Variants in RAD54L observed in about 807,000 individuals in gnomAD.
RAD54L encodes DNA repair and recombination protein RAD54-like.
Under a neutral mutation model 91.6 loss-of-function variants are expected in RAD54L, and 74 were observed. The ratio of observed to expected loss-of-function variants is 0.81; its 90% CI spans 0.67 to 0.98. The LOEUF is 0.98. Ranked by LOEUF, RAD54L falls within the 50% of genes least tolerant of loss-of-function variation. The pLI is 0.00. For synonymous variants in RAD54L, 304 were observed against 349.7 expected, an observed-to-expected ratio of 0.87 and a Z score of 1.46; for missense variants, 887 against 945.7, an observed-to-expected ratio of 0.94 and a Z score of 0.81.
rs1018659404 is a variant in RAD54L at position 46,258,826 on chromosome 1, T to C, written c.271+80T>C. 4.2e-6 allele frequency: 5 copies of C among 1,182,114 alleles called. No homozygotes were observed. The African/African-American group carries it at 7.5e-5, about 18-fold the overall frequency. The allele number at this position is 1,182,114 out of a possible 1,614,324, so 73.2% of individuals were successfully genotyped here. A position where few individuals can be genotyped will look rare whatever the true frequency, so the allele number is the denominator to read the frequency against. On this transcript the variant is annotated intron_variant, in intron 4 of 17. Coordinates refer to ENST00000371975, the MANE Select transcript of RAD54L (RefSeq NM_003579.4). Reference sequence around the variant, plus strand: ...TAAATTAAAAACCTGCTTTTGTAAATACAAGCTTAGCTGGGAATTGAAGGT... The same window carrying C: ...TAAATTAAAAACCTGCTTTTGTAAACACAAGCTTAGCTGGGAATTGAAGGT...
Position 46,260,025 on chromosome 1 carries a change from C to A in RAD54L, c.333C>A (p.Asp111Glu), listed in dbSNP as rs568648242. ...KRAGVRRALH[D>E]PLEKDALVLY... ...CTGGGGTCCGCCGGGCCCTCCATGA[C>A]CCCCTGGAAAAAGATGCCTTGGTTC... is the stretch of plus-strand genomic sequence containing the variant. The change falls in exon 5 of 18, where the codon GAC (aspartate) becomes GAA (glutamate). Residue 111 changes from aspartate to glutamate, a missense_variant. By Grantham distance (45) the Asp-to-Glu change is conservative. Coordinates refer to ENST00000371975, the MANE Select transcript of RAD54L (RefSeq NM_003579.4). The A allele has an allele frequency of 5.0e-6, 8 of 1,614,114 alleles. No individual in the cohort carries two copies. The African/African-American group carries it at 9.3e-5, about 19-fold the overall frequency.
chr1:46,276,630 G>GGT (rs1458548959), intron 16 of RAD54L, among the ~76,000 whole-genome samples: 14 of 152,146 alleles, frequency 9.2e-5, no homozygotes, highest in African/African-American at 3.4e-4. Context: ...GCCCTCCTGA[G>GGT]GTCATGGTCA....
At position 46,253,720 on chromosome 1, in the gene RAD54L, C is replaced by CTTTTTTTTTTTT. The variant is rs3063981; in HGVS notation, c.210+3611_210+3622dup. On this transcript the variant is annotated intron_variant, in intron 3 of 17. Transcript: ENST00000371975. Reference sequence around the variant, plus strand: ...ACTCACAGTGATATACTTAGGTACTCTTTTTTTTTTTTTTTTTTTTTGAGA... The same window carrying CTTTTTTTTTTTT: ...ACTCACAGTGATATACTTAGGTACTCTTTTTTTTTTTTTTTTTTTTTTTTTTTTTTTTTGAGA... 4.2e-4 allele frequency among the ~76,000 whole-genome samples: 35 copies of CTTTTTTTTTTTT among 83,620 alleles called. 3 individuals are homozygous for CTTTTTTTTTTTT. The highest frequency in any genetic ancestry group is 4.8e-4 in the Non-Finnish European group (22 of 45,952). 54.9% of individuals were successfully genotyped at this position (83,620 alleles called of 152,430 possible). A position where few individuals can be genotyped will look rare whatever the true frequency, so the allele number is the denominator to read the frequency against.
chr1:46,250,046 G>A lies in RAD54L; in HGVS notation c.137G>A (p.Cys46Tyr). The change falls in exon 3 of 18, where the codon TGT becomes TAT. Residue 46 changes from cysteine to tyrosine, a missense_variant. Physicochemically the swap from Cys to Tyr is radical, Grantham distance 194. Coordinates refer to ENST00000371975, the MANE Select transcript of RAD54L (RefSeq NM_003579.4). ...AGCAGTGAGACCCAGATCCAGGAGT[G>A]TTTCCTGTCTCCTTTTCGGAAACCT... Reference protein sequence around the residue: ...KSSSETQIQECFLSPFRKPLS... With the variant: ...KSSSETQIQEYFLSPFRKPLS... The A allele has an allele frequency of 2.5e-6, 4 of 1,614,060 alleles. No individual in the cohort carries two copies. The highest frequency in any genetic ancestry group is 3.4e-6 in the Non-Finnish European group (4 of 1,179,936).
intron 2 of RAD54L, 81 bp downstream of exon 2, chr1:46,248,679 T>G (rs566726427): frequency 2.5e-4 from 321 of 1,272,986 alleles, no homozygotes; most frequent in Non-Finnish European, 3.2e-4. Context: ...TAGGGTTACA[T>G]AGCCAATTCC....
intron 3 of RAD54L, among the ~76,000 whole-genome samples, chr1:46,252,290 A>G (rs1354262459): frequency 2.6e-5 from 4 of 152,126 alleles, no homozygotes; most frequent in African/African-American, 9.7e-5. Flanking sequence ...CCATGCTAGG[A>G]GAGTCTGGAC....
Position 46,251,121 on chromosome 1 carries a change from C to A in RAD54L, c.210+1002C>A, listed in dbSNP as rs566384032. Among the ~76,000 whole-genome samples, 18 of 152,186 alleles carry A rather than the reference C, an allele frequency of 1.2e-4. No homozygotes were observed. In the South Asian group the frequency reaches 3.5e-3, roughly 30 times the overall value. On this transcript the variant is annotated intron_variant, in intron 3 of 17. Transcript: ENST00000371975. The stretch of plus-strand genomic sequence containing the variant: ...GTCAGGAGTTCAAGACCAGCCTGGC[C>A]AACATGGTGAAATCCCGTCTCTATT...
chr1:46,260,251 A>T, intron 5 of RAD54L, 152 bp downstream of exon 5: 1 of 1,280,670 alleles, frequency 7.8e-7, no homozygotes, highest in Non-Finnish European at 1.1e-6. Flanking sequence ...CCTGGGGAAG[A>T]GCCTGTGGTC....
At chr1:46,250,814 A>G (rs1475352499) in intron 3 of RAD54L, among the ~76,000 whole-genome samples, 2 of 151,498 alleles carry the variant, frequency 1.3e-5, no homozygotes, top group African/African-American at 4.9e-5. Flanking sequence ...GTCTCTACTA[A>G]AAATACAAAA....
rs775760820 is a variant in RAD54L, at chr1:46,260,078, A to C, written c.386A>C (p.His129Pro). ...VLYEPPPLSA[H>P]DQLKLDKEKL... ...TATGAGCCTCCCCCGCTGAGCGCTC[A>C]TGACCAGCTGAAGCTTGACAAGTAT... Residue 129 changes from histidine to proline, a missense_variant, in exon 5 of 18, where the codon CAT becomes CCT. His to Pro is a moderately conservative substitution (Grantham distance 77). Coordinates refer to ENST00000371975, the MANE Select transcript of RAD54L (RefSeq NM_003579.4). 3.1e-6 allele frequency: 5 copies of C among 1,614,122 alleles called. No individual in the cohort carries two copies. The highest frequency in any genetic ancestry group is 4.2e-6 in the Non-Finnish European group (5 of 1,180,050).
At chr1:46,249,907 G>A in intron 2 of RAD54L, 93 bp from the exon 3 acceptor site, 1 of 1,395,176 alleles carries the variant, frequency 7.2e-7, no homozygotes, top group African/African-American at 1.4e-5. Context: ...TTAGCACAGT[G>A]CCTGGCACTT....
intron 3 of RAD54L, among the ~76,000 whole-genome samples, chr1:46,255,145 A>G (rs1432304461): frequency 6.6e-6 from 1 of 152,240 alleles, no homozygotes; most frequent in African/African-American, 2.4e-5. Flanking sequence ...GGGGAGCTAT[A>G]TAACTTACTA....
chr1:46,248,721 T>C, intron 2 of RAD54L, 123 bp downstream of exon 2: 1 of 822,156 alleles, frequency 1.2e-6, no homozygotes, highest in Non-Finnish European at 2.1e-6. Flanking sequence ...AATAAACTTT[T>C]AGTGAGTACT....
chr1:46,260,633 G>A (rs1278784170), intron 6 of RAD54L, 22 bp downstream of exon 6: 9 of 1,613,860 alleles, frequency 5.6e-6, no homozygotes, highest in Admixed American at 1.7e-5. Context: ...TGAGGGGAAC[G>A]AGGTATGGGC....
intron 17 of RAD54L, 21 bp from the exon 18 acceptor site, chr1:46,278,051 A>T (rs780986885): frequency 6.2e-7 from 1 of 1,614,108 alleles, no homozygotes; most frequent in South Asian, 1.1e-5. Flanking sequence ...TAGTGACTTC[A>T]GCTGTGCCTT....
At position 46,263,050 on chromosome 1, in the gene RAD54L, T is replaced by C. The variant is rs1248424719; in HGVS notation, c.891+1665T>C. 2.0e-5 allele frequency among the ~76,000 whole-genome samples: 3 copies of C among 152,298 alleles called. 1 individual carries two copies. Among genetic ancestry groups the C allele is most frequent in the African/African-American group, 2.4e-5 (1 of 41,570 alleles). On this transcript the variant is annotated intron_variant, in intron 8 of 17. Transcript: ENST00000371975. The surrounding 1 kb of genome is among the most constrained non-coding windows in gnomAD (Gnocchi z 4.3). ...TCTTATCGCAGTGCCTGGTATGTCA[T>C]AAGGCCTTGGCAAACGTAAGCTCTT...
At chr1:46,260,213 G>C in intron 5 of RAD54L, 114 bp downstream of exon 5, 2 of 1,496,318 alleles carry the variant, frequency 1.3e-6, no homozygotes, top group South Asian at 2.3e-5. Flanking sequence ...TATGTTTTCA[G>C]AGAGTAGATG....
intron 10 of RAD54L, 99 bp from the exon 11 acceptor site, chr1:46,272,367 A>G: frequency 9.2e-7 from 1 of 1,084,328 alleles, no homozygotes; most frequent in Non-Finnish European, 1.4e-6. Flanking sequence ...TAATACTGTA[A>G]AAGAGGGCTA....
At chr1:46,252,859 C>A (rs550156828) in intron 3 of RAD54L, among the ~76,000 whole-genome samples, 35 of 151,990 alleles carry the variant, frequency 2.3e-4, no homozygotes, top group African/African-American at 8.4e-4. Context: ...TCACTTGAGC[C>A]CAGGAGTTTG....
Sources: gnomAD v4.1 joint callset for allele counts (sites outside exome capture counted in the v4.1 genomes callset) on GRCh38, gnomAD v4.1.1 for gene constraint, Gnocchi (gnomAD v3.1) non-coding constraint, MANE v1.5 for transcripts, NCBI Gene and HGNC (gene_info 2026-07-23, HGNC 2026-07-21) for gene names.